DCDC1: variants seen among roughly 807,000 people sequenced by gnomAD.
The protein encoded by DCDC1 is doublecortin domain containing 1.
Under a neutral mutation model 178.3 loss-of-function variants are expected in DCDC1, and 200 were observed. The ratio of observed to expected loss-of-function variants is 1.12; its 90% CI spans 1.00 to 1.26. The LOEUF (loss-of-function observed/expected upper bound fraction) is 1.26, where lower values mean the gene tolerates loss of function less well. Ranked by LOEUF, DCDC1 falls within the 50% of genes most tolerant of loss-of-function variation. DCDC1 has a pLI of 0.00. For missense variants in DCDC1, 1,983 were observed against 1,749.2 expected (o/e 1.13, Z -2.38); for synonymous variants, 690 against 604.8 (o/e 1.14, Z -2.07).
chr11:31,063,832 C>G (rs1207742947), intron 20 of DCDC1, among the ~76,000 whole-genome samples: 1 of 152,034 alleles, frequency 6.6e-6, no homozygotes, highest in Non-Finnish European at 1.5e-5. Flanking sequence ...TAATTTCAAA[C>G]AGTTTTAGAT....
At chr11:31,246,947 A>G (rs1298083759) in intron 8 of DCDC1, among the ~76,000 whole-genome samples, 1 of 152,046 alleles carries the variant, frequency 6.6e-6, no homozygotes, top group Non-Finnish European at 1.5e-5. Context: ...CATGATTGCT[A>G]TACTTAGAGC....
At chr11:31,055,743 A>T (rs964576254) in intron 20 of DCDC1, among the ~76,000 whole-genome samples, 7 of 152,228 alleles carry the variant, frequency 4.6e-5, no homozygotes, top group Non-Finnish European at 1.0e-4. Flanking sequence ...TAAGTGAAGT[A>T]ACTCAGGAAT....
intron 1 of DCDC1, among the ~76,000 whole-genome samples, chr11:31,347,387 T>C (rs952865522): frequency 6.6e-6 from 1 of 152,084 alleles, no homozygotes; most frequent in Non-Finnish European, 1.5e-5. Context: ...AAATCCCAAA[T>C]TGTGAGGGAG....
intron 38 of DCDC1, among the ~76,000 whole-genome samples, chr11:30,870,073 T>C (rs1465756730): frequency 1.3e-5 from 2 of 152,162 alleles, no homozygotes; most frequent in East Asian, 3.9e-4. Context: ...TAAACAACTT[T>C]GAAGTACTTA....
intron 20 of DCDC1, among the ~76,000 whole-genome samples, chr11:31,002,473 C>T (rs983995994): frequency 2.6e-5 from 4 of 152,044 alleles, no homozygotes; most frequent in Admixed American, 6.6e-5. Flanking sequence ...CCAATACACC[C>T]GCCTGCTGTG....
intron 20 of DCDC1, among the ~76,000 whole-genome samples, chr11:31,024,498 T>C (rs907372336): frequency 6.6e-6 from 1 of 152,008 alleles, no homozygotes; most frequent in Admixed American, 6.6e-5. Context: ...ATATGTGATA[T>C]TGTAAATCTT....
intron 9 of DCDC1, among the ~76,000 whole-genome samples, chr11:31,155,064 G>A (rs1295973376): frequency 6.6e-6 from 1 of 152,054 alleles, no homozygotes; most frequent in African/African-American, 2.4e-5. Flanking sequence ...AACCCAATTT[G>A]GATTCCAAAT....
intron 20 of DCDC1, among the ~76,000 whole-genome samples, chr11:30,970,253 C>CAG (rs148275711): frequency 5.3e-5 from 8 of 152,030 alleles, no homozygotes; most frequent in Non-Finnish European, 8.8e-5. Flanking sequence ...AGCATTGCTT[C>CAG]AGAGAGAGAG....
chr11:31,357,117 G>A (rs1034205247), intron 1 of DCDC1, among the ~76,000 whole-genome samples: 42 of 152,018 alleles, frequency 2.8e-4, no homozygotes, highest in East Asian at 2.7e-3. Flanking sequence ...TACCAAAGCC[G>A]GGCAGAGACA....
chr11:30,896,694 C>A (rs1327330539), intron 34 of DCDC1, among the ~76,000 whole-genome samples: 3 of 152,186 alleles, frequency 2.0e-5, no homozygotes, highest in Non-Finnish European at 2.9e-5. Context: ...AGTTTTATAA[C>A]CCCAAGTGGG....
At chr11:30,913,584 C>G (rs1945612766) in intron 27 of DCDC1, among the ~76,000 whole-genome samples, 1 of 152,188 alleles carries the variant, frequency 6.6e-6, no homozygotes, top group South Asian at 2.1e-4. Flanking sequence ...CTTCCACTAA[C>G]TGCCTCTCTT....
At chr11:30,980,078 T>C (rs1176014563) in intron 20 of DCDC1, among the ~76,000 whole-genome samples, 4 of 152,196 alleles carry the variant, frequency 2.6e-5, no homozygotes, top group South Asian at 2.1e-4. Context: ...AAATTCAGTG[T>C]ATAAGAAATG....
At chr11:30,935,750 C>T (rs907991504) in intron 21 of DCDC1, among the ~76,000 whole-genome samples, 8 of 152,146 alleles carry the variant, frequency 5.3e-5, no homozygotes, top group Admixed American at 4.6e-4. Context: ...GATGGGGTTT[C>T]ACCATGTTGG....
intron 21 of DCDC1, among the ~76,000 whole-genome samples, chr11:30,940,368 G>A (rs1947553566): frequency 6.6e-6 from 1 of 152,000 alleles, no homozygotes. Context: ...GCTTCCTGTT[G>A]ACCAACCCCT....
In DCDC1 at chr11:31,043,859, A is replaced by T. The variant is rs1217425732; in HGVS notation, c.2591+20610T>A. Among the ~76,000 whole-genome samples, 12 of 132,916 alleles carry T rather than the reference A, an allele frequency of 9.0e-5. No homozygotes were observed. In the East Asian group the frequency reaches 2.5e-3, roughly 27 times the overall value. 87.2% of individuals were successfully genotyped at this position (132,916 alleles called of 152,430 possible). A position where few individuals can be genotyped will look rare whatever the true frequency, so the allele number is the denominator to read the frequency against. On this transcript the variant is annotated intron_variant, in intron 20 of 38. Coordinates refer to ENST00000684477, the MANE Select transcript of DCDC1 (RefSeq NM_001387274.1). ...TTGTACCTTATAAGTGCTATATTTT[A>T]TGTTTTCCTTTTTTGCGCTAGTGTT...
rs1206182698 is a variant in DCDC1 at position 31,328,124 on chromosome 11, A to G, written c.157T>C (p.Leu53=). Residue 53 remains leucine, a synonymous_variant, in exon 3 of 39, where the codon TTA becomes CTA. Transcript: ENST00000684477. ...NPIYKYILND[L]PREFMSSQAK... ...CTGAAATAATGTTCTTACCTTGGTAAATCATTCAAAATATATTTGTAAATT... is the reference window on the plus strand; with the variant it reads ...CTGAAATAATGTTCTTACCTTGGTAGATCATTCAAAATATATTTGTAAATT... 1.2e-6 allele frequency: 2 copies of G among 1,600,150 alleles called. No homozygotes were observed. Among genetic ancestry groups the G allele is most frequent in the Non-Finnish European group, 1.7e-6 (2 of 1,170,890 alleles).
intron 20 of DCDC1, among the ~76,000 whole-genome samples, chr11:30,977,378 C>A (rs1161425585): frequency 1.3e-5 from 2 of 152,124 alleles, no homozygotes; most frequent in African/African-American, 2.4e-5. Context: ...CAATGGGACA[C>A]CCCAAACACT....
chr11:30,921,166 T>C (rs931015073), intron 24 of DCDC1, among the ~76,000 whole-genome samples: 1 of 152,212 alleles, frequency 6.6e-6, no homozygotes, highest in African/African-American at 2.4e-5. Context: ...ATCAGTTAAT[T>C]ATCATATATC....
At chr11:31,117,275 G>C (rs1035798993) in intron 11 of DCDC1, among the ~76,000 whole-genome samples, 2 of 151,962 alleles carry the variant, frequency 1.3e-5, no homozygotes, top group Non-Finnish European at 2.9e-5. Flanking sequence ...AATCAGATCT[G>C]ATGAGTGACT....
Sources: allele counts gnomAD v4.1 joint callset (sites outside exome capture counted in the v4.1 genomes callset), GRCh38; gene constraint gnomAD v4.1.1; transcripts MANE v1.5; gene names NCBI Gene and HGNC (gene_info 2026-07-23, HGNC 2026-07-21).